The following LRP1B variants were observed in gnomAD, a reference collection of about 807,000 sequenced individuals.
The protein encoded by LRP1B is low-density lipoprotein receptor-related protein 1B.
LRP1B carries 217 observed loss-of-function variants against 556.6 expected under a neutral mutation model. That is an observed-to-expected ratio of 0.39 (90% CI 0.35 to 0.44). The LOEUF is 0.44. LRP1B is among the 20% of genes least tolerant of loss of function. The probability of loss-of-function intolerance (pLI) is 1.00; values close to 1 mark genes in which losing one functional copy is unlikely to be tolerated. For missense variants in LRP1B, 5,053 were observed against 5,620.8 expected (o/e 0.90, Z 3.23); for synonymous variants, 2,047 against 1,865.8 (o/e 1.10, Z -2.50).
chr2:141,864,125 TAAAA>T (rs531539222), intron 1 of LRP1B, among the ~76,000 whole-genome samples: 1 of 151,986 alleles, frequency 6.6e-6, no homozygotes, highest in Non-Finnish European at 1.5e-5. Context: ...CAATACAGCA[TAAAA>T]AAAATCTGTC....
At chr2:141,755,937 T>A (rs1358822225) in intron 2 of LRP1B, among the ~76,000 whole-genome samples, 1 of 152,068 alleles carries the variant, frequency 6.6e-6, no homozygotes, top group Non-Finnish European at 1.5e-5. Flanking sequence ...TACCATTATT[T>A]TTAAAATATA....
intron 1 of LRP1B, among the ~76,000 whole-genome samples, chr2:142,084,673 A>C (rs1559062192): frequency 6.6e-6 from 1 of 152,110 alleles, no homozygotes; most frequent in Non-Finnish European, 1.5e-5. Context: ...ACTTTTACCA[A>C]TAACATCTCC....
intron 2 of LRP1B, among the ~76,000 whole-genome samples, chr2:141,721,711 T>C (rs1440263083): frequency 6.6e-6 from 1 of 152,186 alleles, no homozygotes; most frequent in Non-Finnish European, 1.5e-5. Flanking sequence ...AAATAAATTA[T>C]GTGGCAAAAC....
intron 12 of LRP1B, among the ~76,000 whole-genome samples, chr2:141,018,658 A>G (rs1173042292): frequency 6.6e-6 from 1 of 152,136 alleles, no homozygotes; most frequent in Non-Finnish European, 1.5e-5. Flanking sequence ...CTCTAACAAC[A>G]GTGAGAAAGA....
At chr2:141,135,961 GA>G (rs151101593) in intron 7 of LRP1B, among the ~76,000 whole-genome samples, 12,992 of 151,244 alleles carry the variant, frequency 0.086, 957 homozygotes, top group African/African-American at 0.2. Flanking sequence ...AATGATTTCT[GA>G]ATTATGTTTG....
chr2:140,503,352 G>C (rs1214301278), intron 53 of LRP1B, among the ~76,000 whole-genome samples: 1 of 152,070 alleles, frequency 6.6e-6, no homozygotes, highest in Non-Finnish European at 1.5e-5. Context: ...AAATAAGAAA[G>C]TGACCCTTGA....
chr2:141,982,896 C>T (rs1056834834), intron 1 of LRP1B, among the ~76,000 whole-genome samples: 1 of 152,128 alleles, frequency 6.6e-6, no homozygotes, highest in African/African-American at 2.4e-5. Context: ...GCTAAACAAG[C>T]TTTACATTTC....
intron 2 of LRP1B, among the ~76,000 whole-genome samples, chr2:141,624,959 G>A (rs1035312635): frequency 6.6e-6 from 1 of 151,916 alleles, no homozygotes; most frequent in African/African-American, 2.4e-5. Flanking sequence ...TAGTAGAGTC[G>A]GGGTTTCACT....
At chr2:141,474,044 C>CTTCT (rs1559091573) in intron 3 of LRP1B, among the ~76,000 whole-genome samples, 1 of 102,092 alleles carries the variant, frequency 9.8e-6, no homozygotes, top group East Asian at 3.0e-4. Flanking sequence ...TCCTTCCTTC[C>CTTCT]TTTCCTTCCT....
chr2:140,372,093 C>G (rs1037997812), intron 69 of LRP1B, among the ~76,000 whole-genome samples: 1 of 152,090 alleles, frequency 6.6e-6, no homozygotes, highest in African/African-American at 2.4e-5. Flanking sequence ...AATGTCTGGG[C>G]TTCTGGCCTT....
intron 1 of LRP1B, among the ~76,000 whole-genome samples, chr2:141,884,454 A>T (rs1046040419): frequency 3.3e-5 from 5 of 152,204 alleles, no homozygotes; most frequent in African/African-American, 1.2e-4. Flanking sequence ...TAAAGAGCCC[A>T]TGATAGGACA....
chr2:141,738,973 C>T (rs1032647893), intron 2 of LRP1B, among the ~76,000 whole-genome samples: 1 of 152,032 alleles, frequency 6.6e-6, no homozygotes, highest in Non-Finnish European at 1.5e-5. Context: ...TCCACACAGA[C>T]ACATTGCAAA....
chr2:141,980,238 GGC>G (rs1702005703), intron 1 of LRP1B, among the ~76,000 whole-genome samples: 1 of 151,980 alleles, frequency 6.6e-6, no homozygotes, highest in South Asian at 2.1e-4. Flanking sequence ...CTTGGCACTA[GGC>G]AACTAGAACA....
intron 41 of LRP1B, among the ~76,000 whole-genome samples, chr2:140,650,309 TTTTATTTATTTATTTA>T (rs67816685): frequency 0.012 from 1,679 of 137,960 alleles, 19 homozygotes; most frequent in African/African-American, 0.036. Context: ...TTATTTTTAT[TTTTATTTATTTATTTA>T]TTTATTTATT....
intron 66 of LRP1B, among the ~76,000 whole-genome samples, chr2:140,396,927 T>C (rs1444898898): frequency 6.6e-6 from 1 of 152,110 alleles, no homozygotes; most frequent in African/African-American, 2.4e-5. Context: ...TTTAAGTGAA[T>C]AGATATTACT....
At chr2:141,755,955 G>A (rs1574325133) in intron 2 of LRP1B, among the ~76,000 whole-genome samples, 1 of 151,258 alleles carries the variant, frequency 6.6e-6, no homozygotes, top group Non-Finnish European at 1.5e-5. Flanking sequence ...ATATAAAATA[G>A]TGTTGTTCAC....
chr2:141,569,927 G>A (rs1002231726), intron 2 of LRP1B, among the ~76,000 whole-genome samples: 1 of 151,126 alleles, frequency 6.6e-6, no homozygotes, highest in African/African-American at 2.4e-5. Context: ...GGCATTTTAA[G>A]ATATTTGTAA....
intron 6 of LRP1B, among the ~76,000 whole-genome samples, chr2:141,190,420 TCTTGA>T (rs1681457416): frequency 6.6e-6 from 1 of 151,954 alleles, no homozygotes; most frequent in African/African-American, 2.4e-5. Flanking sequence ...AGCTTATCTG[TCTTGA>T]CTTGAGTATT....
intron 2 of LRP1B, among the ~76,000 whole-genome samples, chr2:141,768,171 T>C (rs975347406): frequency 3.3e-5 from 5 of 152,164 alleles, no homozygotes; most frequent in African/African-American, 9.6e-5. Context: ...ACTTCCTACA[T>C]AATGAAGAAT....
Sources: gnomAD v4.1 joint callset for allele counts (sites outside exome capture counted in the v4.1 genomes callset) on GRCh38, gnomAD v4.1.1 for gene constraint, MANE v1.5 for transcripts, NCBI Gene and HGNC (gene_info 2026-07-23, HGNC 2026-07-21) for gene names.